The following SLC14A2 variants were observed in gnomAD, a reference collection of about 807,000 sequenced individuals.
The protein encoded by SLC14A2 is solute carrier family 14 member 2.
Under a neutral mutation model 104.6 loss-of-function variants are expected in SLC14A2, and 91 were observed. The ratio of observed to expected loss-of-function variants is 0.87; its 90% CI spans 0.73 to 1.04. The LOEUF (loss-of-function observed/expected upper bound fraction) is 1.04, where lower values mean the gene tolerates loss of function less well. Ranked by LOEUF, SLC14A2 falls within the 50% of genes least tolerant of loss-of-function variation. The probability of loss-of-function intolerance (pLI) is 0.00; values close to 1 mark genes in which losing one functional copy is unlikely to be tolerated. For synonymous variants in SLC14A2, 476 were observed against 466.4 expected, an observed-to-expected ratio of 1.02 and a Z score of -0.27; for missense variants, 1,189 against 1,156.0, an observed-to-expected ratio of 1.03 and a Z score of -0.41.
At chr18:45,317,794 G>T (rs1172230115) in intron 1 of SLC14A2, among the ~76,000 whole-genome samples, 2 of 152,132 alleles carry the variant, frequency 1.3e-5, no homozygotes, top group South Asian at 2.1e-4. Context: ...CTCCCCTTCT[G>T]TCTCCTCCAC....
At chr18:45,461,505 C>A (rs2087044580) in intron 1 of SLC14A2, among the ~76,000 whole-genome samples, 1 of 152,216 alleles carries the variant, frequency 6.6e-6, no homozygotes, top group African/African-American at 2.4e-5. Context: ...TGGAACAAAG[C>A]TCTGGGACCT....
intron 1 of SLC14A2, among the ~76,000 whole-genome samples, chr18:45,423,384 G>A (rs961994653): frequency 6.6e-6 from 1 of 152,198 alleles, no homozygotes; most frequent in East Asian, 1.9e-4. Flanking sequence ...CTGTCCTGGG[G>A]AGAGCCCTTT....
intron 1 of SLC14A2, among the ~76,000 whole-genome samples, chr18:45,466,699 G>T (rs2087149233): frequency 6.6e-6 from 1 of 151,548 alleles, no homozygotes; most frequent in Non-Finnish European, 1.5e-5. Context: ...GGCCAGCCAA[G>T]TAGATTGAGG....
intron 2 of SLC14A2, chr18:45,527,742 G>A (rs1344718835): frequency 6.6e-6 from 1 of 152,172 alleles, no homozygotes; most frequent in Non-Finnish European, 1.5e-5. Flanking sequence ...ATAGAATTGT[G>A]AGGATTAAAT....
upstream of SLC14A2, among the ~76,000 whole-genome samples, chr18:45,211,570 C>A (rs978615743): frequency 2.0e-5 from 3 of 152,038 alleles, no homozygotes; most frequent in Non-Finnish European, 1.5e-5. Context: ...ACCTTCTTGC[C>A]TTCTCTTTCC....
chr18:45,333,594 A>T (rs2085310454), intron 1 of SLC14A2, among the ~76,000 whole-genome samples: 1 of 152,220 alleles, frequency 6.6e-6, no homozygotes, highest in African/African-American at 2.4e-5. Context: ...TAACTCATGA[A>T]TCTTTACTGA....
intron 1 of SLC14A2, among the ~76,000 whole-genome samples, chr18:45,373,850 AC>A (rs1468370431): frequency 6.6e-6 from 1 of 152,166 alleles, no homozygotes; most frequent in Non-Finnish European, 1.5e-5. Context: ...CAAGTGAAGG[AC>A]TTAAAAGACA....
upstream of SLC14A2, chr18:45,614,984 A>T (rs532144321): frequency 6.6e-6 from 1 of 152,198 alleles, no homozygotes; most frequent in East Asian, 1.9e-4. Context: ...TTTAGTAGAG[A>T]CAGGGTTTCA....
At chr18:45,428,934 T>C (rs2086473917) in intron 1 of SLC14A2, among the ~76,000 whole-genome samples, 1 of 152,204 alleles carries the variant, frequency 6.6e-6, no homozygotes, top group Non-Finnish European at 1.5e-5. Flanking sequence ...ATCAGAAGAA[T>C]CCATGCACTT....
chr18:45,667,700 G>A, intron 13 of SLC14A2, 133 bp from the exon 14 acceptor site: 1 of 679,160 alleles, frequency 1.5e-6, no homozygotes. Context: ...CATCTTTGGT[G>A]GCAGGTGACA....
At chr18:45,250,794 G>A (rs1271590217) in intron 1 of SLC14A2, among the ~76,000 whole-genome samples, 1 of 121,318 alleles carries the variant, frequency 8.2e-6, no homozygotes, top group Non-Finnish European at 1.6e-5. Flanking sequence ...AGACATCTTC[G>A]GGTGAGAAAG....
At chr18:45,565,331 A>G (rs2044251996) in intron 2 of SLC14A2, among the ~76,000 whole-genome samples, 1 of 152,010 alleles carries the variant, frequency 6.6e-6, no homozygotes, top group Admixed American at 6.6e-5. Flanking sequence ...TCACTGCGTT[A>G]GCCAGGATGG....
chr18:45,643,808 C>T (rs775720737), intron 9 of SLC14A2, among the ~76,000 whole-genome samples, 178 bp from the exon 10 acceptor site: 1 of 152,196 alleles, frequency 6.6e-6, no homozygotes, highest in Non-Finnish European at 1.5e-5. Context: ...TGAGCCACTG[C>T]ATCCAGCCCT....
intron 1 of SLC14A2, among the ~76,000 whole-genome samples, chr18:45,364,120 G>C (rs2085642946): frequency 6.6e-6 from 1 of 152,118 alleles, no homozygotes; most frequent in South Asian, 2.1e-4. Context: ...GTGCTCTGTA[G>C]CTGTCTGAGT....
At chr18:45,501,269 T>C (rs951200882) in intron 2 of SLC14A2, among the ~76,000 whole-genome samples, 3 of 152,200 alleles carry the variant, frequency 2.0e-5, no homozygotes, top group African/African-American at 7.2e-5. Flanking sequence ...AGAGTGACTC[T>C]CTGCTTATGT....
chr18:45,435,808 A>C (rs1398379987), intron 1 of SLC14A2, among the ~76,000 whole-genome samples: 1 of 152,256 alleles, frequency 6.6e-6, no homozygotes, highest in African/African-American at 2.4e-5. Flanking sequence ...CAGTTTAAGT[A>C]AAGTGGTAAA....
At chr18:45,500,321 T>C (rs1222143396) in intron 2 of SLC14A2, among the ~76,000 whole-genome samples, 7 of 152,180 alleles carry the variant, frequency 4.6e-5, no homozygotes, top group Non-Finnish European at 1.0e-4. Flanking sequence ...CTCACGCCTG[T>C]AATCCCAGCA....
At chr18:45,640,008 A>G (rs2045494371) in intron 7 of SLC14A2, 115 bp downstream of exon 7, 1 of 1,003,736 alleles carries the variant, frequency 1.0e-6, no homozygotes. Flanking sequence ...AAATACTTTC[A>G]GGGAGACAGG....
chr18:45,658,987 G>A (rs1242490398), intron 10 of SLC14A2, among the ~76,000 whole-genome samples: 4 of 152,186 alleles, frequency 2.6e-5, no homozygotes, highest in Non-Finnish European at 1.5e-5. Context: ...CTCGAGGGCA[G>A]GGACCGTGCC....
Sources: allele counts gnomAD v4.1 joint callset (sites outside exome capture counted in the v4.1 genomes callset), GRCh38; gene constraint gnomAD v4.1.1; transcripts MANE v1.5; gene names NCBI Gene and HGNC (gene_info 2026-07-23, HGNC 2026-07-21).